Variants in TRAPPC9 observed in about 807,000 individuals in gnomAD.
TRAPPC9 encodes the protein IKK2 binding protein.
A neutral mutation model predicts 124.0 loss-of-function variants in TRAPPC9; 83 were observed. The observed-to-expected ratio is 0.67, with a 90% confidence interval of 0.56 to 0.80. The LOEUF is 0.80. TRAPPC9 is among the 30% of genes least tolerant of loss of function. The probability of loss-of-function intolerance (pLI) is 0.00; values close to 1 mark genes in which losing one functional copy is unlikely to be tolerated. For missense variants in TRAPPC9, 1,302 were observed against 1,508.3 expected (o/e 0.86, Z 2.27); for synonymous variants, 638 against 617.5 (o/e 1.03, Z -0.49).
chr8:140,134,034 G>GA (rs2061250649), intron 17 of TRAPPC9, among the ~76,000 whole-genome samples: 1 of 151,736 alleles, frequency 6.6e-6, no homozygotes, highest in South Asian at 2.1e-4. Context: ...TTCAGAAATG[G>GA]AAAAAATGAC....
intron 21 of TRAPPC9, among the ~76,000 whole-genome samples, chr8:139,805,841 T>G (rs1046646937): frequency 6.6e-6 from 1 of 152,132 alleles, no homozygotes; most frequent in African/African-American, 2.4e-5. Flanking sequence ...CACTTTAAAG[T>G]ACCAGAAAGC....
chr8:139,799,162 G>C (rs983530033), intron 21 of TRAPPC9, among the ~76,000 whole-genome samples: 2 of 152,116 alleles, frequency 1.3e-5, no homozygotes, highest in African/African-American at 4.8e-5. Flanking sequence ...ATAGGATCCT[G>C]CGGGTAGATC....
At chr8:139,941,102 C>G (rs776636019) in intron 19 of TRAPPC9, among the ~76,000 whole-genome samples, 1 of 152,204 alleles carries the variant, frequency 6.6e-6, no homozygotes, top group Non-Finnish European at 1.5e-5. Context: ...AAATGCCTGT[C>G]TGGGCCTCAG....
intron 17 of TRAPPC9, among the ~76,000 whole-genome samples, chr8:140,086,560 C>T (rs1416565170): frequency 6.6e-6 from 1 of 152,150 alleles, no homozygotes; most frequent in Non-Finnish European, 1.5e-5. Context: ...TCCTGCTCCA[C>T]CCGTCTCTTC....
chr8:140,124,064 C>T (rs917870101), intron 17 of TRAPPC9, among the ~76,000 whole-genome samples: 1 of 152,228 alleles, frequency 6.6e-6, no homozygotes, highest in Non-Finnish European at 1.5e-5. Flanking sequence ...GGCCATAGCC[C>T]CCAGCTGGTT....
intron 5 of TRAPPC9, among the ~76,000 whole-genome samples, chr8:140,410,356 T>G (rs918325139): frequency 4.0e-5 from 6 of 151,254 alleles, no homozygotes; most frequent in African/African-American, 1.5e-4. Context: ...GCCAACATGG[T>G]AAAACCCCAG....
intron 18 of TRAPPC9, among the ~76,000 whole-genome samples, chr8:140,019,018 A>G (rs1250286666): frequency 6.6e-6 from 1 of 152,220 alleles, no homozygotes; most frequent in Non-Finnish European, 1.5e-5. Context: ...GGCATAATTA[A>G]GCATTGACTT....
intron 21 of TRAPPC9, among the ~76,000 whole-genome samples, chr8:139,768,467 T>A (rs1820726413): frequency 6.6e-6 from 1 of 152,236 alleles, no homozygotes; most frequent in Non-Finnish European, 1.5e-5. Flanking sequence ...TGGAAGACCC[T>A]GGCCATATTT....
intron 21 of TRAPPC9, among the ~76,000 whole-genome samples, chr8:139,745,617 C>A (rs938666714): frequency 6.6e-6 from 1 of 152,204 alleles, no homozygotes; most frequent in Admixed American, 6.5e-5. Context: ...AGGACATGGG[C>A]TGCTGAAGGA....
chr8:139,805,163 C>A (rs1823955478), intron 21 of TRAPPC9, among the ~76,000 whole-genome samples: 1 of 152,230 alleles, frequency 6.6e-6, no homozygotes, highest in African/African-American at 2.4e-5. Context: ...ACTGTTGGAT[C>A]CACACCAAAC....
chr8:140,163,054 A>T (rs2061777254), intron 17 of TRAPPC9, among the ~76,000 whole-genome samples: 1 of 152,178 alleles, frequency 6.6e-6, no homozygotes, highest in Admixed American at 6.5e-5. Context: ...ACAATTTTTT[A>T]AAATAATTTT....
At chr8:140,405,007 TTAA>T (rs1369646109) in intron 6 of TRAPPC9, among the ~76,000 whole-genome samples, 1 of 151,898 alleles carries the variant, frequency 6.6e-6, no homozygotes, top group Non-Finnish European at 1.5e-5. Flanking sequence ...AACCAAGTTG[TTAA>T]TAAGAGTAGA....
chr8:139,992,056 C>T (rs1340250427), intron 18 of TRAPPC9, among the ~76,000 whole-genome samples: 1 of 151,808 alleles, frequency 6.6e-6, no homozygotes, highest in Non-Finnish European at 1.5e-5. Flanking sequence ...TTTTTATAAA[C>T]TTATAAAAAA....
Position 140,061,004 on chromosome 8 carries a change from C to T in TRAPPC9, c.2557-36925G>A, listed in dbSNP as rs992612073. The stretch of plus-strand genomic sequence containing the variant: ...GGTCAGCATTTCCCAGTCACACTGT[C>T]ACAGTCTGGAGAGACTGTAAACTAT... On this transcript the variant is annotated intron_variant, in intron 17 of 22. Transcript: ENST00000438773. 2.6e-5 allele frequency among the ~76,000 whole-genome samples: 4 copies of T among 152,340 alleles called. No individual in the cohort carries two copies. In the East Asian group the frequency reaches 7.7e-4, roughly 29 times the overall value.
At chr8:139,905,327 A>G (rs1213442751) in intron 20 of TRAPPC9, among the ~76,000 whole-genome samples, 1 of 152,220 alleles carries the variant, frequency 6.6e-6, no homozygotes, top group African/African-American at 2.4e-5. Context: ...AAAGGGCTTA[A>G]GAGACTTGTG....
intron 17 of TRAPPC9, among the ~76,000 whole-genome samples, chr8:140,175,645 C>T (rs555623361): frequency 7.9e-5 from 12 of 152,242 alleles, no homozygotes; most frequent in East Asian, 5.8e-4. Context: ...TGTAAAACAA[C>T]GAAATCTGAC....
At chr8:140,367,973 G>C (rs1014764278) in intron 8 of TRAPPC9, among the ~76,000 whole-genome samples, 1 of 152,112 alleles carries the variant, frequency 6.6e-6, no homozygotes, top group Non-Finnish European at 1.5e-5. Flanking sequence ...GAGAAAGGAA[G>C]GGCAGGTGAA....
Position 140,300,457 on chromosome 8 carries a change from T to G in TRAPPC9, c.1768+12A>C. Reference sequence around the variant, plus strand: ...GCAGAGCACGGTGGGAAAGCCAGGATCGACGTCCTACCTATTTTCTTGTTC... The same window carrying G: ...GCAGAGCACGGTGGGAAAGCCAGGAGCGACGTCCTACCTATTTTCTTGTTC... On this transcript the variant is annotated intron_variant, in intron 11 of 22. Coordinates refer to ENST00000438773, the MANE Select transcript of TRAPPC9 (RefSeq NM_001160372.4). 6.2e-7 allele frequency: 1 copy of G among 1,614,140 alleles called. No homozygotes were observed. Among genetic ancestry groups the G allele is most frequent in the Non-Finnish European group, 8.5e-7 (1 of 1,179,980 alleles).
At chr8:139,918,100 A>G (rs891269421) in intron 19 of TRAPPC9, among the ~76,000 whole-genome samples, 1 of 152,222 alleles carries the variant, frequency 6.6e-6, no homozygotes, top group Non-Finnish European at 1.5e-5. Context: ...CACTCCTTCA[A>G]TCATGGAAGT....
Sources: allele counts gnomAD v4.1 joint callset (sites outside exome capture counted in the v4.1 genomes callset), GRCh38; gene constraint gnomAD v4.1.1; transcripts MANE v1.5; gene names NCBI Gene and HGNC (gene_info 2026-07-23, HGNC 2026-07-21).